ADGRL3: variants seen among roughly 807,000 people sequenced by gnomAD.
The protein encoded by ADGRL3 is adhesion G protein-coupled receptor L3.
A neutral mutation model predicts 153.5 loss-of-function variants in ADGRL3; 62 were observed. The ratio of observed to expected loss-of-function variants is 0.40; its 90% CI spans 0.33 to 0.50. The LOEUF (loss-of-function observed/expected upper bound fraction) is 0.50, where lower values mean the gene tolerates loss of function less well. Ranked by LOEUF, ADGRL3 falls within the 20% of genes least tolerant of loss-of-function variation. The probability of loss-of-function intolerance (pLI) is 0.47; values close to 1 mark genes in which losing one functional copy is unlikely to be tolerated. For missense variants in ADGRL3, 1,641 were observed against 1,859.4 expected (o/e 0.88, Z 2.16); for synonymous variants, 710 against 672.5 (o/e 1.06, Z -0.86).
chr4:61,935,906 C>G lies in ADGRL3; in HGVS notation c.2297-17C>G. 1 of 1,581,030 alleles carries G rather than the reference C, an allele frequency of 6.3e-7. No individual in the cohort carries two copies. Among genetic ancestry groups the G allele is most frequent in the Non-Finnish European group, 8.6e-7 (1 of 1,162,334 alleles). ...TATGTTTCTCAATGAGCACTGATAT[C>G]TCTTTGATATTAACAGAATTGGAAG... On this transcript the variant is annotated splice_polypyrimidine_tract_variant and intron_variant, in intron 14 of 26. Transcript: ENST00000683033.
chr4:61,521,207 T>C (rs2098529118), intron 4 of ADGRL3, among the ~76,000 whole-genome samples: 1 of 152,084 alleles, frequency 6.6e-6, no homozygotes, highest in South Asian at 2.1e-4. Context: ...TAAAGTGGCC[T>C]CTAAGCTGCA....
In ADGRL3 at chr4:61,983,415, T is replaced by A; in HGVS notation, c.3048T>A (p.His1016Gln). ...GTGCTGTTTTCGCTGCCCTGTTACA[T>A]TTCTTCTTCTTGGCTGCCTTCACCT... is the stretch of plus-strand genomic sequence containing the variant. The part of the protein sequence containing the change: ...IACAVFAALL[H>Q]FFFLAAFTWM... Residue 1016 changes from histidine to glutamine, a missense_variant, in exon 19 of 27, where the codon CAT (histidine) becomes CAA (glutamine). His to Gln is a conservative substitution (Grantham distance 24, BLOSUM62 0). Around this residue, in one of 5 missense-constraint regions of ADGRL3, gnomAD observed 734 missense variants for 797.0 expected, o/e 0.92. Transcript: ENST00000683033. 6.2e-7 allele frequency: 1 copy of A among 1,613,886 alleles called. No individual in the cohort carries two copies. The highest frequency in any genetic ancestry group is 8.5e-7 in the Non-Finnish European group (1 of 1,179,844).
intron 8 of ADGRL3, among the ~76,000 whole-genome samples, chr4:61,752,150 G>A (rs564809573): frequency 1.5e-3 from 229 of 152,234 alleles, no homozygotes; most frequent in African/African-American, 5.2e-3. Flanking sequence ...TTTTGTTCCT[G>A]CTCTTATAGA....
At chr4:61,841,742 A>C (rs989141826) in intron 9 of ADGRL3, among the ~76,000 whole-genome samples, 3 of 152,328 alleles carry the variant, frequency 2.0e-5, no homozygotes, top group Middle Eastern at 3.4e-3. Context: ...TCCACTGCTG[A>C]ATGCCCATAA....
intron 6 of ADGRL3, among the ~76,000 whole-genome samples, chr4:61,706,654 A>G (rs1218976546): frequency 6.6e-6 from 1 of 151,950 alleles, no homozygotes; most frequent in Non-Finnish European, 1.5e-5. Context: ...CCACATCACC[A>G]TTTCTCTCAG....
chr4:61,552,838 C>T (rs570086488), intron 4 of ADGRL3, among the ~76,000 whole-genome samples: 1 of 152,206 alleles, frequency 6.6e-6, no homozygotes, highest in African/African-American at 2.4e-5. Flanking sequence ...AAAATTGCTT[C>T]CCTGTCTAGC....
At chr4:61,947,175 C>G (rs775421370) in intron 16 of ADGRL3, 53 bp downstream of exon 16, 1 of 1,336,372 alleles carries the variant, frequency 7.5e-7, no homozygotes, top group Non-Finnish European at 1.1e-6. Context: ...ATTTTTATAA[C>G]ACTGAACATT....
At chr4:61,952,514 ATT>A (rs963365503) in intron 17 of ADGRL3, among the ~76,000 whole-genome samples, 5 of 151,538 alleles carry the variant, frequency 3.3e-5, no homozygotes, top group Admixed American at 3.3e-4. Flanking sequence ...CCAAAATTTT[ATT>A]TGACTCAAAT....
chr4:61,404,191 G>A (rs2096965141), intron 2 of ADGRL3, among the ~76,000 whole-genome samples: 2 of 152,034 alleles, frequency 1.3e-5, no homozygotes, highest in Admixed American at 1.3e-4. Flanking sequence ...TAACTAATGT[G>A]TAATTGCAAA....
At chr4:61,813,997 G>T in intron 9 of ADGRL3, 108 bp downstream of exon 9, 1 of 1,414,688 alleles carries the variant, frequency 7.1e-7, no homozygotes, top group Non-Finnish European at 9.5e-7. Flanking sequence ...CAAAAAGCAG[G>T]GGTAAAATGA....
At chr4:61,477,130 T>C (rs568005621) in intron 2 of ADGRL3, among the ~76,000 whole-genome samples, 14 of 152,258 alleles carry the variant, frequency 9.2e-5, no homozygotes, top group Non-Finnish European at 1.5e-4. Flanking sequence ...GTTCAATACA[T>C]CTAAACTTAA....
At position 61,909,793 on chromosome 4, in the gene ADGRL3, G is replaced by A. The variant is rs1439300266; in HGVS notation, c.2073+48G>A. 6 of 1,377,746 alleles carry A rather than the reference G, an allele frequency of 4.4e-6. No homozygotes were observed. The East Asian group carries it at 7.8e-5, about 18-fold the overall frequency. The allele number at this position is 1,377,746 out of a possible 1,614,324, so 85.3% of individuals were successfully genotyped here. The stretch of plus-strand genomic sequence containing the variant: ...TGTGTGTGTGTGTGTGTGTGTGTGT[G>A]TGTGTGTGTCTTTAAAGTTGTAATA... On this transcript the variant is annotated intron_variant, in intron 12 of 26. Coordinates refer to ENST00000683033, the MANE Select transcript of ADGRL3 (RefSeq NM_001387552.1).
intron 1 of ADGRL3, among the ~76,000 whole-genome samples, chr4:61,333,881 G>T (rs1163786070): frequency 3.3e-5 from 5 of 150,480 alleles, no homozygotes; most frequent in Admixed American, 2.6e-4. Context: ...CTCCCAAAGT[G>T]CTGGAATTAC....
At chr4:61,849,591 C>A (rs967796724) in intron 9 of ADGRL3, among the ~76,000 whole-genome samples, 1 of 152,030 alleles carries the variant, frequency 6.6e-6, no homozygotes, top group African/African-American at 2.4e-5. Flanking sequence ...ACATCCTTCT[C>A]TGCAGCATTT....
At chr4:62,047,148 A>G (rs867954193) in intron 25 of ADGRL3, among the ~76,000 whole-genome samples, 3 of 151,874 alleles carry the variant, frequency 2.0e-5, no homozygotes, top group African/African-American at 4.8e-5. Flanking sequence ...TTTTTTATAG[A>G]TAGTGTTTTT....
chr4:61,721,365 GC>G (rs1449333052), intron 6 of ADGRL3, among the ~76,000 whole-genome samples: 3 of 152,170 alleles, frequency 2.0e-5, no homozygotes, highest in African/African-American at 7.2e-5. Context: ...ACTGATGTAA[GC>G]CCAAGGGTCC....
At chr4:61,799,028 T>C (rs1445877169) in intron 8 of ADGRL3, among the ~76,000 whole-genome samples, 1 of 137,694 alleles carries the variant, frequency 7.3e-6, no homozygotes, top group East Asian at 2.1e-4. Context: ...TATATATATA[T>C]ATATATATAT....
intron 2 of ADGRL3, among the ~76,000 whole-genome samples, chr4:61,409,726 A>G (rs933377138): frequency 6.6e-6 from 1 of 151,968 alleles, no homozygotes; most frequent in Non-Finnish European, 1.5e-5. Flanking sequence ...TCAGAAAATA[A>G]AATGTCATGA....
At chr4:61,277,198 C>T (rs1319110003) in intron 1 of ADGRL3, among the ~76,000 whole-genome samples, 6 of 152,002 alleles carry the variant, frequency 3.9e-5, no homozygotes, top group Admixed American at 3.9e-4. Flanking sequence ...TAATTTGGGA[C>T]CAATAAATCA....
Sources: allele counts gnomAD v4.1 joint callset (sites outside exome capture counted in the v4.1 genomes callset), GRCh38; gene constraint gnomAD v4.1.1; regional missense constraint gnomAD v4.1.1; transcripts MANE v1.5; gene names NCBI Gene and HGNC (gene_info 2026-07-23, HGNC 2026-07-21).